XKR4: variants seen among roughly 807,000 people sequenced by gnomAD.
XKR4 encodes XK related 4, also known as XK-related protein 4.
In XKR4, 12 loss-of-function variants were observed where a neutral mutation model predicts 53.9. That is an observed-to-expected ratio of 0.22 (90% CI 0.14 to 0.36). The LOEUF (loss-of-function observed/expected upper bound fraction) is 0.36. Ranked by LOEUF, XKR4 falls within the 10% of genes least tolerant of loss-of-function variation. The pLI, the probability that XKR4 is intolerant of heterozygous loss-of-function variation, is 1.00. For synonymous variants in XKR4, 354 were observed against 362.4 expected, an observed-to-expected ratio of 0.98 and a Z score of 0.26; for missense variants, 799 against 859.5, an observed-to-expected ratio of 0.93 and a Z score of 0.88.
chr8:55,501,706 C>T (rs1806441023), intron 2 of XKR4, among the ~76,000 whole-genome samples: 2 of 151,662 alleles, frequency 1.3e-5, no homozygotes, highest in South Asian at 4.2e-4. Flanking sequence ...ATATATGTAA[C>T]ATTTTGTTTA....
intron 2 of XKR4, among the ~76,000 whole-genome samples, chr8:55,391,192 T>G (rs542488161): frequency 6.6e-6 from 1 of 152,362 alleles, no homozygotes; most frequent in South Asian, 2.1e-4. Context: ...GGATGCCACA[T>G]GACCCCATGG....
intron 2 of XKR4, among the ~76,000 whole-genome samples, chr8:55,425,516 A>G (rs1160638326): frequency 6.6e-6 from 1 of 152,140 alleles, no homozygotes; most frequent in Non-Finnish European, 1.5e-5. Context: ...ATCACATGCT[A>G]CTTCCTTTAA....
chr8:55,474,579 T>C (rs760312427), intron 2 of XKR4, among the ~76,000 whole-genome samples: 5 of 152,162 alleles, frequency 3.3e-5, no homozygotes, highest in Non-Finnish European at 7.3e-5. Flanking sequence ...CTGGAACAAA[T>C]AGATACTCAG....
chr8:55,371,319 C>T (rs975614679), intron 2 of XKR4, among the ~76,000 whole-genome samples: 2 of 151,988 alleles, frequency 1.3e-5, no homozygotes, highest in Non-Finnish European at 2.9e-5. Context: ...TGCTGGTGAT[C>T]AGTCTCCACA....
intron 1 of XKR4, among the ~76,000 whole-genome samples, chr8:55,346,726 T>TGTG (rs1803650392): frequency 8.0e-5 from 12 of 149,274 alleles, no homozygotes; most frequent in South Asian, 2.1e-4. Context: ...TGTGTGTGTG[T>TGTG]TTAGAAAGCT....
chr8:55,454,227 TG>T, intron 2 of XKR4: 1 of 1,117,242 alleles, frequency 9.0e-7, no homozygotes, highest in Non-Finnish European at 1.4e-6. Context: ...CACTCAGGGA[TG>T]GTCACCGTCT....
intron 2 of XKR4, among the ~76,000 whole-genome samples, chr8:55,486,365 A>G (rs192404770): frequency 9.8e-5 from 15 of 152,364 alleles, no homozygotes; most frequent in African/African-American, 3.4e-4. Context: ...CAGATGCACA[A>G]AAAGAAGATC....
chr8:55,131,940 C>T (rs766855073), intron 1 of XKR4, among the ~76,000 whole-genome samples: 4 of 152,086 alleles, frequency 2.6e-5, no homozygotes, highest in Non-Finnish European at 5.9e-5. Context: ...TTAATGAGAG[C>T]CATTCTGGGG....
At chr8:55,431,629 A>G (rs1405902057) in intron 2 of XKR4, among the ~76,000 whole-genome samples, 1 of 152,224 alleles carries the variant, frequency 6.6e-6, no homozygotes, top group African/African-American at 2.4e-5. Context: ...CATAAGACAG[A>G]TAGTGTGTAC....
intron 2 of XKR4, chr8:55,453,851 T>C: frequency 1.9e-6 from 1 of 523,926 alleles, no homozygotes; most frequent in Non-Finnish European, 3.7e-6. Flanking sequence ...GGCCACCAGC[T>C]CATCAAACAG....
chr8:55,361,296 G>T (rs1231330427), intron 2 of XKR4, among the ~76,000 whole-genome samples: 1 of 152,050 alleles, frequency 6.6e-6, no homozygotes, highest in Non-Finnish European at 1.5e-5. Flanking sequence ...AGGGGGAGAG[G>T]AGGGCAGGCA....
chr8:55,227,060 C>A (rs1372763260), intron 1 of XKR4, among the ~76,000 whole-genome samples: 3 of 152,174 alleles, frequency 2.0e-5, no homozygotes, highest in African/African-American at 7.2e-5. Flanking sequence ...GCAACACCAC[C>A]CCCACCCCCT....
At chr8:55,425,590 A>G (rs980377569) in intron 2 of XKR4, among the ~76,000 whole-genome samples, 2 of 152,152 alleles carry the variant, frequency 1.3e-5, no homozygotes, top group Non-Finnish European at 1.5e-5. Flanking sequence ...GAAAGTGCCC[A>G]TTCTTCCATC....
intron 1 of XKR4, among the ~76,000 whole-genome samples, chr8:55,344,574 C>T (rs1803607426): frequency 6.6e-6 from 1 of 152,086 alleles, no homozygotes; most frequent in Non-Finnish European, 1.5e-5. Context: ...TTACTTCAAG[C>T]CACTCTTCTC....
intron 1 of XKR4, among the ~76,000 whole-genome samples, chr8:55,327,680 G>A (rs1487646654): frequency 6.6e-6 from 1 of 152,196 alleles, no homozygotes; most frequent in African/African-American, 2.4e-5. Context: ...AGTATAGCAT[G>A]TCTTTTCAGT....
Position 55,103,235 on chromosome 8 carries a change from C to T in XKR4, c.747C>T (p.Ser249=). The part of the protein sequence containing the change: ...ASGKHRSASC[S]FCIWLLQSLI... Reference sequence around the variant, plus strand: ...GCAAGCACAGGTCTGCGTCCTGCTCCTTCTGCATCTGGCTCCTGCAGTCAC... The same window carrying T: ...GCAAGCACAGGTCTGCGTCCTGCTCTTTCTGCATCTGGCTCCTGCAGTCAC... The change falls in exon 1 of 3, where the codon TCC becomes TCT. Residue 249 remains serine (S), a synonymous_variant. Coordinates refer to ENST00000327381, the MANE Select transcript of XKR4 (RefSeq NM_052898.2). 2 of 1,613,954 alleles carry T rather than the reference C, an allele frequency of 1.2e-6. No homozygotes were observed. The highest frequency in any genetic ancestry group is 1.7e-6 in the Non-Finnish European group (2 of 1,179,896).
intron 1 of XKR4, among the ~76,000 whole-genome samples, chr8:55,293,063 G>A (rs189358969): frequency 3.9e-5 from 6 of 152,194 alleles, no homozygotes; most frequent in East Asian, 3.9e-4. Flanking sequence ...GGCCAGGTGC[G>A]GTGGCTCACA....
In XKR4 at chr8:55,523,292, G is replaced by A. The variant is rs1806826845; in HGVS notation, c.1018G>A (p.Ala340Thr). 2 of 1,601,592 alleles carry A rather than the reference G, an allele frequency of 1.2e-6. No individual in the cohort carries two copies. Among genetic ancestry groups the A allele is most frequent in the Non-Finnish European group, 1.7e-6 (2 of 1,173,560 alleles). ...GTTTGCCTTTGTAGGTTTCACAGCG[G>A]CAGCTTCCCTCGTGTCCCTGGCCTG... Reference protein sequence around the residue: ...SLQALQGFTAAASLVSLAWAL... With the variant: ...SLQALQGFTATASLVSLAWAL... Residue 340 changes from alanine to threonine, a missense_variant, in exon 3 of 3, where the codon GCA (alanine) becomes ACA (threonine). By Grantham distance (58) the Ala-to-Thr change is moderately conservative. Coordinates refer to ENST00000327381, the MANE Select transcript of XKR4 (RefSeq NM_052898.2).
chr8:55,370,113 A>G (rs1291982705), intron 2 of XKR4, among the ~76,000 whole-genome samples: 3 of 152,222 alleles, frequency 2.0e-5, no homozygotes, highest in African/African-American at 7.2e-5. Context: ...GCAAGCCTTA[A>G]TTATTTCTTA....
Sources: allele counts gnomAD v4.1 joint callset (sites outside exome capture counted in the v4.1 genomes callset), GRCh38; gene constraint gnomAD v4.1.1; transcripts MANE v1.5; gene names NCBI Gene and HGNC (gene_info 2026-07-23, HGNC 2026-07-21).